The following PSMF1 variants were observed in gnomAD, a reference collection of about 807,000 sequenced individuals.
The protein encoded by PSMF1 is proteasome inhibitor PI31 subunit.
A neutral mutation model predicts 29.3 loss-of-function variants in PSMF1; 30 were observed. The ratio of observed to expected loss-of-function variants is 1.02; its 90% CI spans 0.77 to 1.39. The LOEUF is 1.39. Ranked by LOEUF, PSMF1 falls within the 40% of genes most tolerant of loss-of-function variation. The probability of loss-of-function intolerance (pLI) is 0.00; values close to 1 mark genes in which losing one functional copy is unlikely to be tolerated. For missense variants in PSMF1, 344 were observed against 357.5 expected, an observed-to-expected ratio of 0.96 and a Z score of 0.31; for synonymous variants, 134 against 139.7, an observed-to-expected ratio of 0.96 and a Z score of 0.29.
intron 3 of PSMF1, among the ~76,000 whole-genome samples, chr20:1,129,518 T>A (rs552244155): frequency 2.3e-4 from 35 of 152,342 alleles, no homozygotes; most frequent in African/African-American, 8.2e-4. Context: ...GGAGGTCTTT[T>A]ACATATTCCC....
upstream of PSMF1, among the ~76,000 whole-genome samples, chr20:1,115,123 G>A (rs1183995134): frequency 2.0e-5 from 2 of 101,316 alleles, no homozygotes; most frequent in Admixed American, 1.1e-4. Flanking sequence ...TGAACCAAGG[G>A]GTGGGGGTGA....
At chr20:1,142,845 C>T (rs1166917110) in intron 4 of PSMF1, among the ~76,000 whole-genome samples, 1 of 152,234 alleles carries the variant, frequency 6.6e-6, no homozygotes, top group Non-Finnish European at 1.5e-5. Context: ...GGAATCGCCA[C>T]ACTGACTTCC....
rs1323280386 is a variant in PSMF1 at position 1,151,784 on chromosome 20, G to T, written c.552-11346G>T. ...ATAGAAGGAAAGTTTTCAGAGAGAT[G>T]ATGCCTGATGAGCTAAATTTTAAAG... On this transcript the variant is annotated intron_variant, in intron 4 of 6. Transcript: ENST00000335877. Among the ~76,000 whole-genome samples the T allele has an allele frequency of 3.9e-5, 6 of 152,232 alleles. No homozygotes were observed. In the East Asian group the frequency reaches 1.2e-3, roughly 29 times the overall value.
At chr20:1,143,036 A>G (rs1284612046) in intron 4 of PSMF1, among the ~76,000 whole-genome samples, 2 of 152,242 alleles carry the variant, frequency 1.3e-5, no homozygotes, top group Admixed American at 6.5e-5. Context: ...TAACATATTC[A>G]TGGATTAAAA....
At chr20:1,123,365 G>A (rs567924971) in intron 1 of PSMF1, among the ~76,000 whole-genome samples, 21 of 152,154 alleles carry the variant, frequency 1.4e-4, no homozygotes, top group South Asian at 6.2e-4. Flanking sequence ...ACTCCCTCCC[G>A]CTGTATTCTC....
At chr20:1,150,741 A>G (rs753350775) in intron 4 of PSMF1, among the ~76,000 whole-genome samples, 5 of 151,822 alleles carry the variant, frequency 3.3e-5, no homozygotes, top group Admixed American at 6.6e-5. Context: ...GTTTTTTTTA[A>G]TTATTGTTAA....
rs978134815 is a variant in PSMF1 at position 1,171,334 on chromosome 20, G to A, written c.*6254G>A. Among the ~76,000 whole-genome samples the A allele has an allele frequency of 6.6e-6, 1 of 152,158 alleles. No homozygotes were observed. Among genetic ancestry groups the A allele is most frequent in the Non-Finnish European group, 1.5e-5 (1 of 68,034 alleles). ...ATATGTGATGGGGAGCTCCTAACAG[G>A]CTTCCCTGGGCCACAGGAATGGGCT... On this transcript the variant is annotated 3_prime_UTR_variant, in exon 7 of 7. Transcript: ENST00000335877.
rs958994234 is a variant in PSMF1, at chr20:1,165,238, C to T, written c.*158C>T. 4 of 1,442,578 alleles carry T rather than the reference C, an allele frequency of 2.8e-6. No individual in the cohort carries two copies. In the Admixed American group the frequency reaches 1.1e-4, roughly 40 times the overall value. 89.4% of individuals were successfully genotyped at this position (1,442,578 alleles called of 1,614,324 possible). On this transcript the variant is annotated 3_prime_UTR_variant, in exon 7 of 7. Transcript: ENST00000335877. ...TAGCCTCCCCACCCCTTATCAGAGC[C>T]AAGACACCTGCTGCAGCTCTCCACC...
chr20:1,150,480 G>A (rs1221907179), intron 4 of PSMF1, among the ~76,000 whole-genome samples: 1 of 151,934 alleles, frequency 6.6e-6, no homozygotes, highest in Non-Finnish European at 1.5e-5. Flanking sequence ...AGATAGAATA[G>A]TTTTGACCTC....
At position 1,147,869 on chromosome 20, in the gene PSMF1, C is replaced by T. The variant is rs547805084; in HGVS notation, c.551+12563C>T. Among the ~76,000 whole-genome samples the T allele has an allele frequency of 2.0e-5, 3 of 152,280 alleles. No homozygotes were observed. The East Asian group carries it at 5.8e-4, about 29-fold the overall frequency. On this transcript the variant is annotated intron_variant, in intron 4 of 6. Transcript: ENST00000335877. ...GAAATGCCCAGTTTTGGGGGGAGGC[C>T]ACAGCAGGAAGGAGGCAAAAAGCAG...
At chr20:1,122,703 G>T (rs2086105094) in intron 1 of PSMF1, among the ~76,000 whole-genome samples, 1 of 152,162 alleles carries the variant, frequency 6.6e-6, no homozygotes, top group South Asian at 2.1e-4. Context: ...TGATGTCAGG[G>T]TTTACAGGGC....
At chr20:1,143,116 A>T (rs1177730887) in intron 4 of PSMF1, among the ~76,000 whole-genome samples, 1 of 152,266 alleles carries the variant, frequency 6.6e-6, no homozygotes, top group African/African-American at 2.4e-5. Context: ...CCTATCAAAA[A>T]TCCCAACAAG....
rs928109145 is a variant in PSMF1, at chr20:1,167,805, TTTTCAGTTGTTTGAG to T, written c.*2732_*2746del. ...GAACATTTGTGTACCAGTTTTTGAG[TTTTCAGTTGTTTGAG>T]TTTCAGATGTTTTCAGTTCATTTGG... On this transcript the variant is annotated 3_prime_UTR_variant, in exon 7 of 7. Transcript: ENST00000335877. The T allele has an allele frequency of 6.6e-6, 1 of 152,122 alleles. No homozygotes were observed. Among genetic ancestry groups the T allele is most frequent in the African/African-American group, 2.4e-5 (1 of 41,404 alleles). The allele number at this position is 152,122 out of a possible 1,614,324, so 9.4% of individuals were successfully genotyped here.
chr20:1,155,779 A>G (rs1053257709), intron 4 of PSMF1, among the ~76,000 whole-genome samples: 3 of 152,248 alleles, frequency 2.0e-5, no homozygotes, highest in African/African-American at 4.8e-5. Flanking sequence ...CAGAACTGAC[A>G]TTGAAAGCAA....
Position 1,128,020 on chromosome 20 carries a change from A to C in PSMF1, c.365+512A>C, listed in dbSNP as rs535536764. Among the ~76,000 whole-genome samples, 5 of 152,304 alleles carry C rather than the reference A, an allele frequency of 3.3e-5. No homozygotes were observed. In the South Asian group the frequency reaches 1.0e-3, roughly 32 times the overall value. On this transcript the variant is annotated intron_variant, in intron 3 of 6. Coordinates refer to ENST00000335877, the MANE Select transcript of PSMF1 (RefSeq NM_006814.5). ...TTACAACTAATGAGTCTACATTGACACATCATTATTAGGGCTCAAGCTTGC... is the reference window on the plus strand; with the variant it reads ...TTACAACTAATGAGTCTACATTGACCCATCATTATTAGGGCTCAAGCTTGC...
At position 1,164,921 on chromosome 20, in the gene PSMF1, C is replaced by A; in HGVS notation, c.765-108C>A. The A allele has an allele frequency of 2.0e-6, 2 of 999,800 alleles. No homozygotes were observed. Among genetic ancestry groups the A allele is most frequent in the Non-Finnish European group, 3.1e-6 (2 of 636,204 alleles). The allele number at this position is 999,800 out of a possible 1,614,324, so 61.9% of individuals were successfully genotyped here. On this transcript the variant is annotated intron_variant, in intron 6 of 6. Transcript: ENST00000335877. The surrounding 1 kb of genome is among the most constrained non-coding windows in gnomAD (Gnocchi z 4.1). ...AGTGCATGTGTTTAAATTCCTCACA[C>A]CGCCACATCATGTTGAAGGGCAGGC...
At chr20:1,129,818 C>T (rs910222044) in intron 3 of PSMF1, among the ~76,000 whole-genome samples, 5 of 152,176 alleles carry the variant, frequency 3.3e-5, no homozygotes, top group Admixed American at 6.5e-5. Flanking sequence ...TGTCCACTTC[C>T]GGGCATATAC....
intron 4 of PSMF1, among the ~76,000 whole-genome samples, chr20:1,141,923 C>T (rs1457583527): frequency 6.6e-6 from 1 of 152,174 alleles, no homozygotes; most frequent in Non-Finnish European, 1.5e-5. Flanking sequence ...AGTTGTTCAA[C>T]AACTACTCAG....
chr20:1,130,627 T>C (rs2122489290), intron 3 of PSMF1, among the ~76,000 whole-genome samples: 1 of 152,296 alleles, frequency 6.6e-6, no homozygotes, highest in East Asian at 1.9e-4. Flanking sequence ...TCAAAACATT[T>C]TAGTAAAATG....
Sources: gnomAD v4.1 joint callset for allele counts (sites outside exome capture counted in the v4.1 genomes callset) on GRCh38, gnomAD v4.1.1 for gene constraint, Gnocchi (gnomAD v3.1) non-coding constraint, MANE v1.5 for transcripts, NCBI Gene and HGNC (gene_info 2026-07-23, HGNC 2026-07-21) for gene names.